The following TAFA1 variants were observed in gnomAD, a reference collection of about 807,000 sequenced individuals.
The protein encoded by TAFA1 is chemokine-like protein TAFA-1.
TAFA1 carries 4 observed loss-of-function variants against 18.5 expected under a neutral mutation model. The ratio of observed to expected loss-of-function variants is 0.22; its 90% confidence interval spans 0.11 to 0.49. The LOEUF is 0.49. Ranked by LOEUF, TAFA1 falls within the 20% of genes least tolerant of loss-of-function variation. TAFA1 has a pLI of 0.98. For synonymous variants in TAFA1, 56 were observed against 55.2 expected, an observed-to-expected ratio of 1.01 and a Z score of -0.06; for missense variants, 147 against 169.0, an observed-to-expected ratio of 0.87 and a Z score of 0.72.
At chr3:68,526,405 G>T (rs1284526988) in intron 3 of TAFA1, among the ~76,000 whole-genome samples, 1 of 152,070 alleles carries the variant, frequency 6.6e-6, no homozygotes, top group African/African-American at 2.4e-5. Flanking sequence ...CTTACAATCA[G>T]TGTACAACTT....
intron 2 of TAFA1, among the ~76,000 whole-genome samples, chr3:68,219,852 CTG>C (rs1195818632): frequency 6.6e-6 from 1 of 152,102 alleles, no homozygotes; most frequent in Non-Finnish European, 1.5e-5. Context: ...TAAATTCTGC[CTG>C]TCCTGGATGG....
chr3:68,505,125 C>G (rs1170813101), intron 3 of TAFA1, among the ~76,000 whole-genome samples: 1 of 152,134 alleles, frequency 6.6e-6, no homozygotes, highest in Non-Finnish European at 1.5e-5. Context: ...AATTGTTCTA[C>G]TCAAACAGGG....
intron 2 of TAFA1, among the ~76,000 whole-genome samples, chr3:68,354,157 A>AT (rs35665922): frequency 0.5 from 74,451 of 150,356 alleles, 18,792 homozygotes; most frequent in East Asian, 0.72. Flanking sequence ...TATTTTTCTA[A>AT]TTTTTTTTTT....
chr3:68,418,041 A>G (rs998067443), intron 3 of TAFA1, among the ~76,000 whole-genome samples: 1 of 151,974 alleles, frequency 6.6e-6, no homozygotes, highest in Non-Finnish European at 1.5e-5. Context: ...ACAATTTGAC[A>G]TTTTTTTCAG....
intron 2 of TAFA1, among the ~76,000 whole-genome samples, chr3:68,016,619 T>G (rs1198823337): frequency 6.6e-6 from 1 of 152,188 alleles, no homozygotes; most frequent in African/African-American, 2.4e-5. Context: ...TCTAGGTCTG[T>G]GTAAGTACAC....
intron 2 of TAFA1, among the ~76,000 whole-genome samples, chr3:68,198,187 G>C (rs2066433885): frequency 6.6e-6 from 1 of 151,508 alleles, no homozygotes; most frequent in South Asian, 2.1e-4. Flanking sequence ...TTTTATCCAT[G>C]TCTGTTTAGA....
At chr3:68,159,574 T>C (rs528431264) in intron 2 of TAFA1, among the ~76,000 whole-genome samples, 152 of 152,230 alleles carry the variant, frequency 1.0e-3, no homozygotes, top group African/African-American at 3.4e-3. Context: ...TCCTACTTAG[T>C]TTTTTAGAGA....
chr3:68,256,832 C>A (rs937125058), intron 2 of TAFA1, among the ~76,000 whole-genome samples: 2 of 152,076 alleles, frequency 1.3e-5, no homozygotes, highest in African/African-American at 4.8e-5. Context: ...TCTGCTGCCA[C>A]CATCTGGCCC....
intron 2 of TAFA1, among the ~76,000 whole-genome samples, chr3:68,024,308 T>A (rs1704765098): frequency 6.6e-6 from 1 of 152,096 alleles, no homozygotes; most frequent in African/African-American, 2.4e-5. Context: ...AGAAAAAAAT[T>A]AATGAAGCTT....
chr3:68,296,043 T>A (rs559732514), intron 2 of TAFA1, among the ~76,000 whole-genome samples: 3 of 152,170 alleles, frequency 2.0e-5, no homozygotes, highest in African/African-American at 7.2e-5. Flanking sequence ...ATAAAGTTAA[T>A]CTTCTTTGGA....
In TAFA1 at chr3:68,345,691, AAATAAT is replaced by A. The variant is rs550851708; in HGVS notation, c.119-71580_119-71575del. Among the ~76,000 whole-genome samples the A allele has an allele frequency of 1.0e-3, 159 of 152,270 alleles. 1 individual carries two copies. The highest frequency in any genetic ancestry group is 1.6e-3 in the Non-Finnish European group (109 of 68,010). ...TGCCTGGAAAACACCTTACAGCTAG[AAATAAT>A]AATAATAAATAAAAAGGCCTTTGCA... On this transcript the variant is annotated intron_variant, in intron 2 of 4. Coordinates refer to ENST00000478136, the MANE Select transcript of TAFA1 (RefSeq NM_213609.4).
At chr3:68,404,854 C>A (rs2070566902) in intron 2 of TAFA1, among the ~76,000 whole-genome samples, 1 of 151,466 alleles carries the variant, frequency 6.6e-6, no homozygotes, top group South Asian at 2.1e-4. Context: ...CAGTTTATGG[C>A]TCAGCAAGAG....
At chr3:68,114,003 C>T (rs752745296) in intron 2 of TAFA1, among the ~76,000 whole-genome samples, 2 of 143,692 alleles carry the variant, frequency 1.4e-5, no homozygotes, top group Admixed American at 1.5e-4. Context: ...CTCCTGGATT[C>T]AAACAATTAT....
intron 2 of TAFA1, among the ~76,000 whole-genome samples, chr3:68,140,452 A>G (rs1029012263): frequency 2.0e-5 from 3 of 152,190 alleles, no homozygotes; most frequent in African/African-American, 7.2e-5. Flanking sequence ...GTCATCTTGG[A>G]TGATATCCTC....
intron 3 of TAFA1, among the ~76,000 whole-genome samples, chr3:68,521,856 G>GTTTTTTTT (rs57372768): frequency 0.2 from 13,876 of 70,618 alleles, 3,198 homozygotes; most frequent in East Asian, 0.38. Context: ...GTTTTTTTCT[G>GTTTTTTTT]TTTTTTTTTT....
chr3:68,370,125 A>G (rs1381386970), intron 2 of TAFA1, among the ~76,000 whole-genome samples: 3 of 148,318 alleles, frequency 2.0e-5, no homozygotes, highest in Non-Finnish European at 4.5e-5. Context: ...CGTCTCTAAT[A>G]AAAATACAAA....
chr3:68,433,040 T>C (rs2071207379), intron 3 of TAFA1, among the ~76,000 whole-genome samples: 1 of 152,052 alleles, frequency 6.6e-6, no homozygotes, highest in Non-Finnish European at 1.5e-5. Flanking sequence ...GGTCATTTTG[T>C]TCATGTAGTT....
intron 2 of TAFA1, among the ~76,000 whole-genome samples, chr3:68,249,201 G>A (rs1292422107): frequency 6.6e-6 from 1 of 152,088 alleles, no homozygotes; most frequent in Non-Finnish European, 1.5e-5. Context: ...ATAATCCAGG[G>A]AATAATCAGA....
intron 3 of TAFA1, among the ~76,000 whole-genome samples, chr3:68,465,977 C>A (rs2071878692): frequency 6.6e-6 from 1 of 152,156 alleles, no homozygotes; most frequent in South Asian, 2.1e-4. Flanking sequence ...GATTGGATAT[C>A]TGCCTATTGA....
Sources: allele counts gnomAD v4.1 joint callset (sites outside exome capture counted in the v4.1 genomes callset), GRCh38; gene constraint gnomAD v4.1.1; transcripts MANE v1.5; gene names NCBI Gene and HGNC (gene_info 2026-07-23, HGNC 2026-07-21).